Variants in SRRM1 observed in about 807,000 individuals in gnomAD.
The protein encoded by SRRM1 is serine/arginine repetitive matrix protein 1.
In SRRM1, 19 loss-of-function variants were observed where a neutral mutation model predicts 110.2. The observed-to-expected ratio is 0.17, with a 90% confidence interval of 0.12 to 0.25. SRRM1 has a LOEUF of 0.25. Ranked by LOEUF, SRRM1 falls within the 10% of genes least tolerant of loss-of-function variation. The pLI, the probability that SRRM1 is intolerant of heterozygous loss-of-function variation, is 1.00. For missense variants in SRRM1, 918 were observed against 1,145.8 expected, an observed-to-expected ratio of 0.80 and a Z score of 2.87; for synonymous variants, 443 against 414.9, an observed-to-expected ratio of 1.07 and a Z score of -0.82.
intron 15 of SRRM1, among the ~76,000 whole-genome samples, chr1:24,670,786 T>C (rs1672326703): frequency 6.6e-6 from 1 of 152,246 alleles, no homozygotes; most frequent in African/African-American, 2.4e-5. Context: ...GTTGACTGAA[T>C]AGTTGTGCAA....
intron 8 of SRRM1, among the ~76,000 whole-genome samples, chr1:24,653,697 T>G (rs1011530253): frequency 6.6e-6 from 1 of 152,212 alleles, no homozygotes; most frequent in African/African-American, 2.4e-5. Context: ...ATATATCACT[T>G]TAAACAAAAA....
chr1:24,661,038 A>G (rs1025480919), intron 10 of SRRM1: 5 of 539,380 alleles, frequency 9.3e-6, no homozygotes, highest in Admixed American at 7.0e-5. Flanking sequence ...TAGGGACAGT[A>G]GAGGTTTTTG....
intron 8 of SRRM1, among the ~76,000 whole-genome samples, chr1:24,654,016 A>G (rs1011390614): frequency 6.6e-6 from 1 of 152,120 alleles, no homozygotes; most frequent in South Asian, 2.1e-4. Flanking sequence ...AACTATTACT[A>G]CTGTTGCAAA....
Position 24,669,750 on chromosome 1 carries a change from C to T in SRRM1, c.2204+163C>T. 6.0e-6 allele frequency: 4 copies of T among 662,910 alleles called. No homozygotes were observed. The South Asian group carries it at 6.4e-5, about 11-fold the overall frequency. 41.1% of individuals were successfully genotyped at this position (662,910 alleles called of 1,614,324 possible). ...CTTATTCCATTTTTTGGGATAGTTTCTGTGGTATAAGTTAAATGCCACAGG... is the reference window on the plus strand; with the variant it reads ...CTTATTCCATTTTTTGGGATAGTTTTTGTGGTATAAGTTAAATGCCACAGG... On this transcript the variant is annotated intron_variant, in intron 14 of 16. Coordinates refer to ENST00000323848, the MANE Select transcript of SRRM1 (RefSeq NM_005839.4).
chr1:24,645,917 T>G, intron 1 of SRRM1, 67 bp from the exon 2 acceptor site: 2 of 1,342,004 alleles, frequency 1.5e-6, no homozygotes, highest in Non-Finnish European at 2.1e-6. Flanking sequence ...GCTATAAAGG[T>G]CGTAGGTGAT....
At chr1:24,646,117 T>A in intron 2 of SRRM1, 44 bp downstream of exon 2, 1 of 1,430,766 alleles carries the variant, frequency 7.0e-7, no homozygotes, top group Non-Finnish European at 9.8e-7. Context: ...ATAGCACACT[T>A]ACTTGACTCA....
At chr1:24,669,904 A>G in intron 14 of SRRM1, 1 of 563,648 alleles carries the variant, frequency 1.8e-6, no homozygotes, top group Non-Finnish European at 3.1e-6. Flanking sequence ...CTTACATAAG[A>G]AGCATCATTA....
intron 1 of SRRM1, among the ~76,000 whole-genome samples, chr1:24,645,559 T>C (rs1352902859): frequency 6.6e-6 from 1 of 152,254 alleles, no homozygotes; most frequent in Non-Finnish European, 1.5e-5. Flanking sequence ...CCTTTCACCC[T>C]GTTTGTATGC....
chr1:24,661,010 C>T (rs1034168903), intron 10 of SRRM1: 4 of 535,998 alleles, frequency 7.5e-6, no homozygotes, highest in Non-Finnish European at 1.3e-5. Context: ...CTGAGCCTTT[C>T]TTCTTTCATC....
intron 6 of SRRM1, 70 bp downstream of exon 6, chr1:24,651,682 T>A (rs1660747452): frequency 1.7e-6 from 2 of 1,169,130 alleles, no homozygotes; most frequent in African/African-American, 3.1e-5. Flanking sequence ...ATATGACATC[T>A]GAGTTAAAAT....
At chr1:24,669,802 A>T (rs1225266702) in intron 14 of SRRM1, 3 of 577,248 alleles carry the variant, frequency 5.2e-6, no homozygotes, top group Non-Finnish European at 9.0e-6. Flanking sequence ...AGCAGTTATT[A>T]ATTTGTTTTT....
chr1:24,666,895 G>A lies in SRRM1; in HGVS notation c.1709G>A (p.Arg570His), dbSNP rs78787676. 499 of 1,610,854 alleles carry A rather than the reference G, an allele frequency of 3.1e-4. 2 individuals are homozygous for A. In the Middle Eastern group the frequency reaches 5.6e-3, roughly 18 times the overall value. Residue 570 changes from arginine to histidine, a missense_variant, in exon 13 of 17, where the codon CGC becomes CAC. By Grantham distance (29) the Arg-to-His change is conservative. Coordinates refer to ENST00000323848, the MANE Select transcript of SRRM1 (RefSeq NM_005839.4). ...TCTCCCGCCCCTCCTCCTCGACGGCGCAGGACTCCCACACCACCACCACGA... is the reference window on the plus strand; with the variant it reads ...TCTCCCGCCCCTCCTCCTCGACGGCACAGGACTCCCACACCACCACCACGA... Reference protein sequence around the residue: ...SPSPAPPPRRRRTPTPPPRRR... With the variant: ...SPSPAPPPRRHRTPTPPPRRR...
chr1:24,652,809 T>G (rs567976613), intron 7 of SRRM1, 104 bp from the exon 8 acceptor site: 12 of 1,446,446 alleles, frequency 8.3e-6, no homozygotes, highest in Non-Finnish European at 1.1e-5. Flanking sequence ...ATGGAAAATT[T>G]TGATCTTTGA....
intron 3 of SRRM1, chr1:24,648,207 C>A (rs1194351603): frequency 6.6e-6 from 1 of 152,162 alleles, no homozygotes; most frequent in Non-Finnish European, 1.5e-5. Context: ...GTTATACAGA[C>A]CTTGTTGCTT....
intron 12 of SRRM1, 46 bp downstream of exon 12, chr1:24,662,850 G>A (rs754326160): frequency 2.7e-5 from 43 of 1,584,892 alleles, no homozygotes; most frequent in Middle Eastern, 1.7e-4. Context: ...CTGTAATTGT[G>A]ATGAAATTTG....
chr1:24,660,496 G>A (rs945740149), intron 9 of SRRM1, among the ~76,000 whole-genome samples: 1 of 152,116 alleles, frequency 6.6e-6, no homozygotes, highest in African/African-American at 2.4e-5. Flanking sequence ...TAGCAGGAAG[G>A]CATCTTGGCT....
At chr1:24,663,492 A>G (rs1313531883) in intron 12 of SRRM1, among the ~76,000 whole-genome samples, 3 of 152,152 alleles carry the variant, frequency 2.0e-5, no homozygotes, top group Non-Finnish European at 4.4e-5. Flanking sequence ...ATTTGCATCA[A>G]CTTACATCAA....
chr1:24,651,645 AC>A (rs763069685), intron 6 of SRRM1, 33 bp downstream of exon 6: 14 of 1,496,952 alleles, frequency 9.4e-6, no homozygotes, highest in Non-Finnish European at 1.3e-5. Flanking sequence ...ATAAATAATC[AC>A]AATTTTAGAT....
rs574612048 is a variant in SRRM1 at position 24,662,722 on chromosome 1, G to A, written c.1546G>A (p.Glu516Lys). The change falls in exon 12 of 17, where the codon GAG becomes AAG. Residue 516 changes from glutamate to lysine, a missense_variant. Around this residue, in one of 5 missense-constraint regions of SRRM1, gnomAD observed 357 missense variants for 402.9 expected, o/e 0.89. Coordinates refer to ENST00000323848, the MANE Select transcript of SRRM1 (RefSeq NM_005839.4). ...RPKRSHVKNG[E>K]VGRRRRHSPS... Reference sequence around the variant, plus strand: ...CAAGAGATCCCATGTGAAGAATGGTGAGGTTGGCAGGCGGCGGAGACATTC... The same window carrying A: ...CAAGAGATCCCATGTGAAGAATGGTAAGGTTGGCAGGCGGCGGAGACATTC... The A allele has an allele frequency of 6.2e-7, 1 of 1,614,180 alleles. No individual in the cohort carries two copies. The highest frequency in any genetic ancestry group is 2.2e-5 in the East Asian group (1 of 44,882).
Sources: allele counts gnomAD v4.1 joint callset (sites outside exome capture counted in the v4.1 genomes callset), GRCh38; gene constraint gnomAD v4.1.1; regional missense constraint gnomAD v4.1.1; transcripts MANE v1.5; gene names NCBI Gene and HGNC (gene_info 2026-07-23, HGNC 2026-07-21).